PRKCE: variants seen among roughly 807,000 people sequenced by gnomAD.
PRKCE encodes protein kinase C epsilon, also known as protein kinase C epsilon type.
In PRKCE, 16 loss-of-function variants were observed where a neutral mutation model predicts 85.4. The observed-to-expected ratio is 0.19, with a 90% CI of 0.13 to 0.28. The LOEUF (loss-of-function observed/expected upper bound fraction) is 0.28, where lower values mean the gene tolerates loss of function less well. Ranked by LOEUF, PRKCE falls within the 10% of genes least tolerant of loss-of-function variation. PRKCE has a pLI of 1.00. For synonymous variants in PRKCE, 388 were observed against 371.5 expected, an observed-to-expected ratio of 1.04 and a Z score of -0.51; for missense variants, 573 against 975.2, an observed-to-expected ratio of 0.59 and a Z score of 5.49.
chr2:45,668,005 T>G (rs548940957), intron 1 of PRKCE, among the ~76,000 whole-genome samples: 2 of 152,274 alleles, frequency 1.3e-5, no homozygotes, highest in African/African-American at 4.8e-5. Context: ...TATCTAATTG[T>G]GTTTGAAATA....
At chr2:45,718,036 A>T (rs1331349156) in intron 1 of PRKCE, among the ~76,000 whole-genome samples, 1 of 152,244 alleles carries the variant, frequency 6.6e-6, no homozygotes, top group East Asian at 1.9e-4. Flanking sequence ...GAATTTACCA[A>T]GGTTCTCAGC....
chr2:46,141,162 A>G (rs751302830), intron 11 of PRKCE, among the ~76,000 whole-genome samples: 1 of 151,690 alleles, frequency 6.6e-6, no homozygotes, highest in African/African-American at 2.4e-5. Context: ...TTACCCTCAC[A>G]TATGTGCAAA....
At chr2:45,826,425 C>T (rs1300235352) in intron 1 of PRKCE, among the ~76,000 whole-genome samples, 1 of 152,150 alleles carries the variant, frequency 6.6e-6, no homozygotes, top group African/African-American at 2.4e-5. Flanking sequence ...TAAACATAGA[C>T]AGCAAATAGC....
Position 46,184,640 on chromosome 2 carries a change from G to T in PRKCE, c.2068-95G>T. Reference sequence around the variant, plus strand: ...CTGTTGGTAGCTAGAGGCCTGCTTTGGTGACAGGCTGGTCAGTGCGGTGCC... The same window carrying T: ...CTGTTGGTAGCTAGAGGCCTGCTTTTGTGACAGGCTGGTCAGTGCGGTGCC... On this transcript the variant is annotated intron_variant, in intron 14 of 14. Coordinates refer to ENST00000306156, the MANE Select transcript of PRKCE (RefSeq NM_005400.3). This position sits in a 1 kb window ranked among gnomAD's most constrained non-coding sequence, Gnocchi z 5.0. 3 of 1,466,404 alleles carry T rather than the reference G, an allele frequency of 2.0e-6. No individual in the cohort carries two copies. The highest frequency in any genetic ancestry group is 2.8e-6 in the Non-Finnish European group (3 of 1,090,460). The allele number at this position is 1,466,404 out of a possible 1,614,324, so 90.8% of individuals were successfully genotyped here.
At position 45,849,864 on chromosome 2, in the gene PRKCE, C is replaced by G. The variant is rs146672883; in HGVS notation, c.412+6801C>G. On this transcript the variant is annotated intron_variant, in intron 2 of 14. Coordinates refer to ENST00000306156, the MANE Select transcript of PRKCE (RefSeq NM_005400.3). ...CCTCTGTGTCTTGGGATTTTTGGCT[C>G]TATTTTTGGTCCTGATGGAATAAAT... Among the ~76,000 whole-genome samples the G allele has an allele frequency of 3.8e-3, 578 of 152,268 alleles. 3 individuals carry two copies. Among genetic ancestry groups the G allele is most frequent in the African/African-American group, 0.013 (542 of 41,542 alleles).
intron 2 of PRKCE, among the ~76,000 whole-genome samples, chr2:45,860,401 C>T (rs1469292743): frequency 6.6e-6 from 1 of 152,098 alleles, no homozygotes; most frequent in Non-Finnish European, 1.5e-5. Context: ...GGAATTGTGC[C>T]TTTGGGAGCT....
At position 45,968,278 on chromosome 2, in the gene PRKCE, C is replaced by G. The variant is rs190581485; in HGVS notation, c.413-8151C>G. The stretch of plus-strand genomic sequence containing the variant: ...ACACACACACACACACCATGGAATA[C>G]TACTCCGCCATAATAAAGTATGAAA... On this transcript the variant is annotated intron_variant, in intron 2 of 14. Transcript: ENST00000306156. Among the ~76,000 whole-genome samples the G allele has an allele frequency of 1.5e-3, 231 of 152,090 alleles. 1 individual carries two copies. Among genetic ancestry groups the G allele is most frequent in the Admixed American group, 4.9e-3 (75 of 15,288 alleles).
chr2:46,054,046 T>A (rs1319169362), intron 10 of PRKCE, among the ~76,000 whole-genome samples: 1 of 152,202 alleles, frequency 6.6e-6, no homozygotes, highest in East Asian at 1.9e-4. Context: ...TCTCTCACAA[T>A]CTCTTAGTGA....
Position 46,184,895 on chromosome 2 carries a change from T to C in PRKCE, c.*14T>C. 2 of 1,599,576 alleles carry C rather than the reference T, an allele frequency of 1.3e-6. No individual in the cohort carries two copies. Among genetic ancestry groups the C allele is most frequent in the East Asian group, 2.2e-5 (1 of 44,886 alleles). ...CTGATGCCCTGAGAGCCCACTGCAG[T>C]TGGACTTTGCCGATGCTGCAAGAAG... On this transcript the variant is annotated 3_prime_UTR_variant, in exon 15 of 15. Transcript: ENST00000306156. The surrounding 1 kb of genome is among the most constrained non-coding windows in gnomAD (Gnocchi z 5.0).
intron 2 of PRKCE, among the ~76,000 whole-genome samples, chr2:45,935,351 A>C (rs2104113363): frequency 6.6e-6 from 1 of 152,322 alleles, no homozygotes; most frequent in Non-Finnish European, 1.5e-5. Flanking sequence ...GAAGAAAATA[A>C]ACCCCCTCCT....
chr2:45,915,791 A>G (rs918015719), intron 2 of PRKCE, among the ~76,000 whole-genome samples: 1 of 152,140 alleles, frequency 6.6e-6, no homozygotes. Context: ...TCACTCAGTA[A>G]CTGGCTGGAC....
chr2:45,898,646 A>G lies in PRKCE; in HGVS notation c.412+55583A>G, dbSNP rs149072702. On this transcript the variant is annotated intron_variant, in intron 2 of 14. Coordinates refer to ENST00000306156, the MANE Select transcript of PRKCE (RefSeq NM_005400.3). ...ATAAAACATGAAGCTGGCTGTTACT[A>G]TCATTACCACTACTGTTACTGTGGG... Among the ~76,000 whole-genome samples the G allele has an allele frequency of 4.3e-3, 658 of 152,326 alleles. 7 individuals carry two copies. Among genetic ancestry groups the G allele is most frequent in the South Asian group, 9.9e-3 (48 of 4,826 alleles).
Position 45,933,418 on chromosome 2 carries a change from T to C in PRKCE, c.413-43011T>C, listed in dbSNP as rs561553521. Among the ~76,000 whole-genome samples the C allele has an allele frequency of 3.3e-5, 5 of 151,686 alleles. No homozygotes were observed. In the East Asian group the frequency reaches 9.7e-4, roughly 29 times the overall value. ...TGAATGTCTTAAGGATGTTCACCTA[T>C]GACTTCTTCCAAAAGTTTTGTTTTA... On this transcript the variant is annotated intron_variant, in intron 2 of 14. Transcript: ENST00000306156.
chr2:45,947,896 G>T lies in PRKCE; in HGVS notation c.413-28533G>T, dbSNP rs191905543. Among the ~76,000 whole-genome samples, 116 of 152,288 alleles carry T rather than the reference G, an allele frequency of 7.6e-4. 1 individual carries two copies. Among genetic ancestry groups the T allele is most frequent in the African/African-American group, 2.6e-3 (108 of 41,562 alleles). ...TTTATAACCTATTGTACTTAATAAA[G>T]TTTGGAGTTGTAAAAATGACGAGAA... On this transcript the variant is annotated intron_variant, in intron 2 of 14. Coordinates refer to ENST00000306156, the MANE Select transcript of PRKCE (RefSeq NM_005400.3).
intron 1 of PRKCE, among the ~76,000 whole-genome samples, chr2:45,737,623 C>A (rs1259006781): frequency 6.6e-6 from 1 of 151,374 alleles, no homozygotes; most frequent in Non-Finnish European, 1.5e-5. Context: ...AGCGTCTGCC[C>A]TACCTGGCCC....
At chr2:45,747,015 T>A (rs1347371169) in intron 1 of PRKCE, among the ~76,000 whole-genome samples, 1 of 152,208 alleles carries the variant, frequency 6.6e-6, no homozygotes, top group Non-Finnish European at 1.5e-5. Flanking sequence ...GATGACACGC[T>A]TCTCTGATTG....
intron 2 of PRKCE, among the ~76,000 whole-genome samples, chr2:45,845,061 CTTT>C (rs531961588): frequency 3.7e-4 from 51 of 137,348 alleles, no homozygotes; most frequent in Non-Finnish European, 6.1e-4. Flanking sequence ...CATTTTTCTA[CTTT>C]TTTTTTTTTT....
At chr2:45,744,487 TTTTCTTTCTTTC>T (rs1682933888) in intron 1 of PRKCE, among the ~76,000 whole-genome samples, 1 of 31,044 alleles carries the variant, frequency 3.2e-5, no homozygotes. Flanking sequence ...CTTTCTTTCT[TTTTCTTTCTTTC>T]TTTTCTTTCT....
At chr2:45,710,823 C>T (rs1469823266) in intron 1 of PRKCE, among the ~76,000 whole-genome samples, 1 of 152,218 alleles carries the variant, frequency 6.6e-6, no homozygotes, top group African/African-American at 2.4e-5. Flanking sequence ...AGACCCTCAC[C>T]CCTAAAGGAT....
Sources: gnomAD v4.1 joint callset for allele counts (sites outside exome capture counted in the v4.1 genomes callset) on GRCh38, gnomAD v4.1.1 for gene constraint, Gnocchi (gnomAD v3.1) non-coding constraint, MANE v1.5 for transcripts, NCBI Gene and HGNC (gene_info 2026-07-23, HGNC 2026-07-21) for gene names.